GNG2: variants seen among roughly 807,000 people sequenced by gnomAD.
GNG2 encodes G protein subunit gamma 2.
Under a neutral mutation model 5.5 loss-of-function variants are expected in GNG2, and 5 were observed. That is an observed-to-expected ratio of 0.91 (90% CI 0.48 to 1.92). The LOEUF is 1.92. GNG2 is among the 30% of genes most tolerant of loss of function. The pLI is 0.01. For synonymous variants in GNG2, 28 were observed against 32.0 expected (o/e 0.88, Z 0.42); for missense variants, 55 against 88.4 (o/e 0.62, Z 1.52).
chr14:51,918,901 C>T (rs933912854), intron 2 of GNG2, among the ~76,000 whole-genome samples: 6 of 152,116 alleles, frequency 3.9e-5, no homozygotes, highest in Non-Finnish European at 1.5e-5. Flanking sequence ...CTCAGCTCAC[C>T]GCAACCTCCC....
At chr14:51,909,411 CCTAATTACACTCTTT>C (rs1342842625) in intron 2 of GNG2, among the ~76,000 whole-genome samples, 4 of 152,106 alleles carry the variant, frequency 2.6e-5, no homozygotes, top group African/African-American at 9.7e-5. Flanking sequence ...AAATGTTGTA[CCTAATTACACTCTTT>C]CCAATGGTGA....
chr14:51,859,328 C>G (rs1882310225), upstream of GNG2, among the ~76,000 whole-genome samples: 1 of 152,218 alleles, frequency 6.6e-6, no homozygotes, highest in East Asian at 1.9e-4. Flanking sequence ...TGTGTTAGTA[C>G]TAGGGGGAGA....
intron 2 of GNG2, among the ~76,000 whole-genome samples, chr14:51,854,055 G>A (rs1248983172): frequency 6.6e-6 from 1 of 152,010 alleles, no homozygotes; most frequent in Admixed American, 6.6e-5. Context: ...TGTATTTTTA[G>A]TAGAGATGTG....
rs1881483479 is a variant in GNG2, at chr14:51,841,571, A to C, written c.64+13764A>C. The C allele has an allele frequency of 4.3e-6, 3 of 701,750 alleles. No individual in the cohort carries two copies. The South Asian group carries it at 4.4e-5, about 10-fold the overall frequency. The allele number at this position is 701,750 out of a possible 1,614,324, so 43.5% of individuals were successfully genotyped here. On this transcript the variant is annotated intron_variant, in intron 2 of 3. Transcript: ENST00000553432. ...AGTGTTGGAGCCCGGATTTGAACCC[A>C]GGTAATCTGGCTTTGAAGTCCACAG... is the stretch of plus-strand genomic sequence containing the variant.
chr14:51,858,645 A>C (rs1446120813), upstream of GNG2, among the ~76,000 whole-genome samples: 1 of 152,218 alleles, frequency 6.6e-6, no homozygotes, highest in Non-Finnish European at 1.5e-5. Context: ...GTTTCCAACC[A>C]TTAATAACAT....
At chr14:51,933,621 G>C (rs1253705) in intron 2 of GNG2, among the ~76,000 whole-genome samples, 14,600 of 152,222 alleles carry the variant, frequency 0.096, 2,077 homozygotes, top group African/African-American at 0.31. Context: ...AAAACTGCAA[G>C]AATCGAGTCC....
At position 51,876,509 on chromosome 14, in the gene GNG2, C is replaced by T. The variant is rs140502508; in HGVS notation, c.-70-1108C>T. Among the ~76,000 whole-genome samples, 308 of 152,246 alleles carry T rather than the reference C, an allele frequency of 2.0e-3. 2 individuals are homozygous for T. Among genetic ancestry groups the T allele is most frequent in the South Asian group, 0.015 (73 of 4,820 alleles). On this transcript the variant is annotated intron_variant, in intron 1 of 3. Transcript: ENST00000556766. ...ACTATCACCAATAACAAATGAGTGC[C>T]GGGCCCAGAACCCCCTTGAACAGGC...
At chr14:51,847,533 C>A (rs1222817334) in intron 2 of GNG2, among the ~76,000 whole-genome samples, 2 of 151,994 alleles carry the variant, frequency 1.3e-5, no homozygotes, top group Admixed American at 1.3e-4. Context: ...CTGTCACATC[C>A]TGGAGCTGAA....
chr14:51,928,814 C>T (rs1887490730), intron 2 of GNG2, among the ~76,000 whole-genome samples: 1 of 152,160 alleles, frequency 6.6e-6, no homozygotes, highest in African/African-American at 2.4e-5. Flanking sequence ...AGGAGCAAAT[C>T]CTGCTGGAGC....
chr14:51,885,831 T>G (rs1366290348), intron 2 of GNG2, among the ~76,000 whole-genome samples: 1 of 152,216 alleles, frequency 6.6e-6, no homozygotes, highest in Non-Finnish European at 1.5e-5. Flanking sequence ...GTATTTGTTT[T>G]GGGCTCAGAT....
chr14:51,918,073 T>G (rs563114529), intron 2 of GNG2, among the ~76,000 whole-genome samples: 9 of 146,762 alleles, frequency 6.1e-5, no homozygotes, highest in Non-Finnish European at 1.2e-4. Flanking sequence ...GAAGCCTCAC[T>G]ACATCCCTCA....
At chr14:51,870,114 C>G (rs1055518856) in intron 1 of GNG2, among the ~76,000 whole-genome samples, 1 of 152,180 alleles carries the variant, frequency 6.6e-6, no homozygotes, top group Non-Finnish European at 1.5e-5. Flanking sequence ...GGTTAAATAA[C>G]TGAGCAATAT....
chr14:51,916,671 C>T (rs537851103), intron 2 of GNG2, among the ~76,000 whole-genome samples: 5 of 152,122 alleles, frequency 3.3e-5, no homozygotes, highest in African/African-American at 1.2e-4. Flanking sequence ...TGTGGTGGAG[C>T]AGTGCCAGGC....
chr14:51,949,607 G>A (rs1438647975), intron 2 of GNG2, among the ~76,000 whole-genome samples: 2 of 152,050 alleles, frequency 1.3e-5, no homozygotes, highest in African/African-American at 4.8e-5. Context: ...TCTGTTTCAT[G>A]GGTCATGCAC....
At chr14:51,906,810 C>T (rs1885955873) in intron 2 of GNG2, among the ~76,000 whole-genome samples, 1 of 143,248 alleles carries the variant, frequency 7.0e-6, no homozygotes, top group Admixed American at 7.2e-5. Flanking sequence ...GGCTGGAGTG[C>T]AGTGGCGCAA....
chr14:51,923,217 G>T (rs1038761679), intron 2 of GNG2, among the ~76,000 whole-genome samples: 2 of 152,132 alleles, frequency 1.3e-5, no homozygotes, highest in African/African-American at 4.8e-5. Flanking sequence ...CTTTCTGTTG[G>T]AACCTTCAGG....
intron 3 of GNG2, among the ~76,000 whole-genome samples, chr14:51,963,113 C>T (rs1889707991): frequency 6.6e-6 from 1 of 152,208 alleles, no homozygotes; most frequent in African/African-American, 2.4e-5. Flanking sequence ...TAAATATTAG[C>T]AATTATTCTA....
chr14:51,882,602 G>A (rs1884159443), intron 2 of GNG2, among the ~76,000 whole-genome samples: 2 of 152,332 alleles, frequency 1.3e-5, no homozygotes, highest in African/African-American at 4.8e-5. Flanking sequence ...CCTGTACTTT[G>A]CAGAGCTGGT....
chr14:51,942,567 T>TTC (rs1651578132), intron 2 of GNG2, among the ~76,000 whole-genome samples: 1 of 92,870 alleles, frequency 1.1e-5, no homozygotes, highest in African/African-American at 4.4e-5. Context: ...TTTATTTATT[T>TTC]TTTCTCTTTC....
Sources: gnomAD v4.1 joint callset for allele counts (sites outside exome capture counted in the v4.1 genomes callset) on GRCh38, gnomAD v4.1.1 for gene constraint, MANE v1.5 for transcripts, NCBI Gene and HGNC (gene_info 2026-07-23, HGNC 2026-07-21) for gene names.